The following DYNC2H1 variants were observed in gnomAD, a reference collection of about 807,000 sequenced individuals.
DYNC2H1 encodes cytoplasmic dynein 2 heavy chain 1.
Under a neutral mutation model 570.0 loss-of-function variants are expected in DYNC2H1, and 410 were observed. That is an observed-to-expected ratio of 0.72 (90% CI 0.66 to 0.78). The LOEUF is 0.78. DYNC2H1 is among the 30% of genes least tolerant of loss of function. DYNC2H1 has a pLI of 0.00. For missense variants in DYNC2H1, 4,865 were observed against 5,046.4 expected (o/e 0.96, Z 1.09); for synonymous variants, 1,688 against 1,677.6 (o/e 1.01, Z -0.15).
At chr11:103,371,963 ATTGT>A (rs1941176505) in intron 83 of DYNC2H1, among the ~76,000 whole-genome samples, 1 of 54,856 alleles carries the variant, frequency 1.8e-5, no homozygotes. Flanking sequence ...GTCTTGCCTA[ATTGT>A]TCTGGCTAGA....
At chr11:103,475,812 G>C (rs1036267908) in intron 88 of DYNC2H1, among the ~76,000 whole-genome samples, 26 of 152,090 alleles carry the variant, frequency 1.7e-4, no homozygotes, top group African/African-American at 4.8e-4. Context: ...ATAATAATCA[G>C]CATTATTAAG....
At chr11:103,404,929 G>A (rs1942796455) in intron 84 of DYNC2H1, 1 of 151,932 alleles carries the variant, frequency 6.6e-6, no homozygotes, top group Admixed American at 6.6e-5. Context: ...TATAGTAGTG[G>A]CAGTGAAGTA....
intron 84 of DYNC2H1, among the ~76,000 whole-genome samples, chr11:103,431,911 G>GC (rs1943906916): frequency 6.6e-6 from 1 of 152,064 alleles, no homozygotes; most frequent in African/African-American, 2.4e-5. Flanking sequence ...GAAGAATTGG[G>GC]CCCTTTCTGT....
In DYNC2H1 at chr11:103,165,810, A is replaced by G. The variant is rs913388088; in HGVS notation, c.4612-88A>G. 3.1e-5 allele frequency: 34 copies of G among 1,102,750 alleles called. No individual in the cohort carries two copies. The Admixed American group carries it at 9.3e-4, about 30-fold the overall frequency. 68.3% of individuals were successfully genotyped at this position (1,102,750 alleles called of 1,614,324 possible). ...GGAGAGATCCAATATACAATTGGCT[A>G]TTTGAAAAAAGGTGCCTTTCTTTAA... On this transcript the variant is annotated intron_variant, in intron 30 of 88. Transcript: ENST00000375735.
At chr11:103,467,005 G>T in intron 87 of DYNC2H1, among the ~76,000 whole-genome samples, 1 of 152,106 alleles carries the variant, frequency 6.6e-6, no homozygotes, top group South Asian at 2.1e-4. Flanking sequence ...TGGATAAATT[G>T]TTGTATATTA....
In DYNC2H1 at chr11:103,193,698, C is replaced by T. The variant is rs149785824; in HGVS notation, c.7708+1434C>T. ...AGCTGGTATTACAGGCATGTGCCACCACGCCCGACTAATTTTGTATTTTTT... is the reference window on the plus strand; with the variant it reads ...AGCTGGTATTACAGGCATGTGCCACTACGCCCGACTAATTTTGTATTTTTT... On this transcript the variant is annotated intron_variant, in intron 47 of 88. Coordinates refer to ENST00000375735, the MANE Select transcript of DYNC2H1 (RefSeq NM_001377.3). Among the ~76,000 whole-genome samples, 216 of 151,978 alleles carry T rather than the reference C, an allele frequency of 1.4e-3. 1 individual carries two copies. Among genetic ancestry groups the T allele is most frequent in the African/African-American group, 4.9e-3 (205 of 41,482 alleles).
intron 83 of DYNC2H1, among the ~76,000 whole-genome samples, chr11:103,365,694 A>G (rs923711783): frequency 1.3e-5 from 2 of 152,216 alleles, no homozygotes; most frequent in Non-Finnish European, 2.9e-5. Flanking sequence ...TCTTTATTGT[A>G]CAGGGAAAAT....
intron 80 of DYNC2H1, among the ~76,000 whole-genome samples, chr11:103,320,316 C>A (rs1340101453): frequency 6.6e-6 from 1 of 152,062 alleles, no homozygotes; most frequent in Non-Finnish European, 1.5e-5. Flanking sequence ...GCAGGAGAAT[C>A]GCTTGAACCT....
Position 103,170,041 on chromosome 11 carries a change from G to T in DYNC2H1, c.4969-67G>T. 2 of 1,328,642 alleles carry T rather than the reference G, an allele frequency of 1.5e-6. No homozygotes were observed. Among genetic ancestry groups the T allele is most frequent in the Non-Finnish European group, 2.0e-6 (2 of 997,120 alleles). 82.3% of individuals were successfully genotyped at this position (1,328,642 alleles called of 1,614,324 possible). A position where few individuals can be genotyped will look rare whatever the true frequency, so the allele number is the denominator to read the frequency against. ...TTTATCTTTTTAACTACAATCTCAT[G>T]CTGTAAAAATATTTGTAAATGTTGA... On this transcript the variant is annotated intron_variant, in intron 32 of 88. Coordinates refer to ENST00000375735, the MANE Select transcript of DYNC2H1 (RefSeq NM_001377.3). The surrounding 1 kb of genome is among the most constrained non-coding windows in gnomAD (Gnocchi z 4.8).
chr11:103,464,102 T>C (rs190083366), intron 87 of DYNC2H1, among the ~76,000 whole-genome samples: 123 of 152,314 alleles, frequency 8.1e-4, no homozygotes, highest in Non-Finnish European at 1.5e-3. Flanking sequence ...ATGAAACAGC[T>C]AGTCAATTAG....
intron 70 of DYNC2H1, among the ~76,000 whole-genome samples, chr11:103,269,666 T>G (rs915334401): frequency 6.6e-6 from 1 of 152,224 alleles, no homozygotes; most frequent in Non-Finnish European, 1.5e-5. Context: ...TATTATTAGC[T>G]ATTCCATTGT....
rs1019047581 is a variant in DYNC2H1 at position 103,439,346 on chromosome 11, T to TA, written c.12456+3322dup. On this transcript the variant is annotated intron_variant, in intron 85 of 88. Transcript: ENST00000375735. The surrounding 1 kb of genome is among the most constrained non-coding windows in gnomAD (Gnocchi z 4.1). ...TTATACCAAAGTTATTGAAATTTTG[T>TA]AAAAAAAATTAATAAAAAGTAAGCA... Among the ~76,000 whole-genome samples, 11 of 151,906 alleles carry TA rather than the reference T, an allele frequency of 7.2e-5. No individual in the cohort carries two copies. The highest frequency in any genetic ancestry group is 2.1e-4 in the South Asian group (1 of 4,808).
chr11:103,137,657 G>C (rs1377332158), intron 17 of DYNC2H1, among the ~76,000 whole-genome samples: 2 of 152,106 alleles, frequency 1.3e-5, no homozygotes, highest in Admixed American at 1.3e-4. Flanking sequence ...AAGTCAGGTA[G>C]CGTGATGCCT....
At chr11:103,419,713 C>T (rs186761263) in intron 84 of DYNC2H1, among the ~76,000 whole-genome samples, 8 of 152,184 alleles carry the variant, frequency 5.3e-5, no homozygotes, top group Admixed American at 2.0e-4. Context: ...ACTGAAAAGC[C>T]AGAGTGCCTC....
At chr11:103,266,191 G>A (rs542064394) in intron 70 of DYNC2H1, among the ~76,000 whole-genome samples, 13 of 152,288 alleles carry the variant, frequency 8.5e-5, no homozygotes, top group African/African-American at 3.1e-4. Context: ...GTTTGCAAGT[G>A]CCAGCAGCAG....
At position 103,186,894 on chromosome 11, in the gene DYNC2H1, A is replaced by G. The variant is rs1862095381; in HGVS notation, c.6893+393A>G. Among the ~76,000 whole-genome samples the G allele has an allele frequency of 6.6e-6, 1 of 152,018 alleles. No homozygotes were observed. The highest frequency in any genetic ancestry group is 6.6e-5 in the Admixed American group (1 of 15,212). ...GGAATTCAGCCTAGTTTTAGTTCATATGGAGCATAGTCTCCTGAAATATAG... is the reference window on the plus strand; with the variant it reads ...GGAATTCAGCCTAGTTTTAGTTCATGTGGAGCATAGTCTCCTGAAATATAG... On this transcript the variant is annotated intron_variant, in intron 42 of 88. Coordinates refer to ENST00000375735, the MANE Select transcript of DYNC2H1 (RefSeq NM_001377.3). This position sits in a 1 kb window ranked among gnomAD's most constrained non-coding sequence, Gnocchi z 4.5.
chr11:103,280,447 A>T lies in DYNC2H1; in HGVS notation c.10761+34A>T, dbSNP rs1866086301. 6.5e-7 allele frequency: 1 copy of T among 1,531,464 alleles called. No homozygotes were observed. Among genetic ancestry groups the T allele is most frequent in the East Asian group, 2.5e-5 (1 of 40,802 alleles). 94.9% of individuals were successfully genotyped at this position (1,531,464 alleles called of 1,614,324 possible). On this transcript the variant is annotated intron_variant, in intron 71 of 88. Coordinates refer to ENST00000375735, the MANE Select transcript of DYNC2H1 (RefSeq NM_001377.3). The surrounding 1 kb of genome is among the most constrained non-coding windows in gnomAD (Gnocchi z 4.7). Reference sequence around the variant, plus strand: ...AATTAAAGGAGAGAAATTTTACAGTAACATAGAAATTTGTTAATGGGTGGA... The same window carrying T: ...AATTAAAGGAGAGAAATTTTACAGTTACATAGAAATTTGTTAATGGGTGGA...
At chr11:103,247,868 A>G (rs1193123488) in intron 65 of DYNC2H1, among the ~76,000 whole-genome samples, 1 of 152,016 alleles carries the variant, frequency 6.6e-6, no homozygotes, top group Admixed American at 6.6e-5. Context: ...CTTATCTGTA[A>G]GATTATTTGT....
intron 84 of DYNC2H1, chr11:103,402,957 T>C (rs181905599): frequency 3.3e-5 from 5 of 152,254 alleles, no homozygotes; most frequent in African/African-American, 1.2e-4. Context: ...GGGATTGCTA[T>C]ACCTAGATTT....
Sources: gnomAD v4.1 joint callset for allele counts (sites outside exome capture counted in the v4.1 genomes callset) on GRCh38, gnomAD v4.1.1 for gene constraint, Gnocchi (gnomAD v3.1) non-coding constraint, MANE v1.5 for transcripts, NCBI Gene and HGNC (gene_info 2026-07-23, HGNC 2026-07-21) for gene names.